The following BNIP2 variants were observed in gnomAD, a reference collection of about 807,000 sequenced individuals.
BNIP2 encodes the protein BCL2/adenovirus E1B 19 kDa protein-interacting protein 2.
In BNIP2, 36 loss-of-function variants were observed where a neutral mutation model predicts 43.4. The ratio of observed to expected loss-of-function variants is 0.83; its 90% CI spans 0.64 to 1.10. BNIP2 has a LOEUF of 1.10. Among genes scored for constraint, BNIP2 ranks in the 50% least tolerant of loss-of-function variants. The pLI is 0.00. For synonymous variants in BNIP2, 146 were observed against 121.0 expected, an observed-to-expected ratio of 1.21 and a Z score of -1.35; for missense variants, 417 against 374.1, an observed-to-expected ratio of 1.11 and a Z score of -0.95.
At chr15:59,687,420 C>T (rs1310038848) in intron 1 of BNIP2, among the ~76,000 whole-genome samples, 2 of 150,044 alleles carry the variant, frequency 1.3e-5, no homozygotes, top group Non-Finnish European at 3.0e-5. Context: ...GCTGCAATCT[C>T]GGCTCGCTAC....
intron 5 of BNIP2, among the ~76,000 whole-genome samples, chr15:59,676,393 T>C (rs952104341): frequency 2.6e-5 from 4 of 152,066 alleles, no homozygotes; most frequent in Non-Finnish European, 5.9e-5. Context: ...AGGTCTATGT[T>C]GCCCAAGCTG....
Position 59,679,690 on chromosome 15 carries a change from T to C in BNIP2, c.197A>G (p.Asp66Gly). Residue 66 changes from aspartate (D) to glycine (G), a missense_variant, in exon 4 of 10, where the codon GAT becomes GGT. Transcript: ENST00000607373. Reference protein sequence around the residue: ...PDISLTLDPSDGSVLSDDLDE... With the variant: ...PDISLTLDPSGGSVLSDDLDE... ...CAAATCATCTGACAATACAGAGCCA[T>C]CACTAGGATCCAGTGTCAGGCTAAT... 1.2e-6 allele frequency: 2 copies of C among 1,609,744 alleles called. No individual in the cohort carries two copies. The highest frequency in any genetic ancestry group is 1.1e-5 in the South Asian group (1 of 90,424).
intron 5 of BNIP2, among the ~76,000 whole-genome samples, chr15:59,673,422 G>A (rs1566964530): frequency 1.3e-5 from 2 of 152,018 alleles, no homozygotes; most frequent in Non-Finnish European, 2.9e-5. Context: ...CAAAGTGGGT[G>A]CTTTTTTAAA....
chr15:59,665,114 AT>A (rs1892490516), intron 9 of BNIP2, among the ~76,000 whole-genome samples: 1 of 151,872 alleles, frequency 6.6e-6, no homozygotes, highest in Non-Finnish European at 1.5e-5. Context: ...AAATACAAAA[AT>A]TAGCCAGGTG....
chr15:59,679,327 T>C (rs1185095177), intron 4 of BNIP2: 2 of 303,090 alleles, frequency 6.6e-6, no homozygotes, highest in Admixed American at 4.7e-5. Context: ...TCTTACTTGA[T>C]TGACTAAAAA....
chr15:59,684,097 G>C (rs1389997303), intron 1 of BNIP2, among the ~76,000 whole-genome samples: 1 of 152,184 alleles, frequency 6.6e-6, no homozygotes, highest in African/African-American at 2.4e-5. Context: ...GAAATATCCT[G>C]AAGTGTTAGA....
At chr15:59,666,045 T>C (rs1265935542) in intron 9 of BNIP2, among the ~76,000 whole-genome samples, 2 of 150,012 alleles carry the variant, frequency 1.3e-5, no homozygotes, top group Admixed American at 6.7e-5. Flanking sequence ...TACCAACTAA[T>C]TTCATAATTA....
At chr15:59,688,257 G>C (rs757563751) in intron 1 of BNIP2, among the ~76,000 whole-genome samples, 3 of 152,150 alleles carry the variant, frequency 2.0e-5, no homozygotes, top group African/African-American at 7.2e-5. Flanking sequence ...TTGTAACTTT[G>C]AGGAAACATC....
intron 1 of BNIP2, chr15:59,688,457 G>A (rs781120695): frequency 1.1e-5 from 4 of 359,578 alleles, no homozygotes; most frequent in Non-Finnish European, 2.1e-5. Flanking sequence ...TAAATAGGAG[G>A]CACCGTAACT....
chr15:59,683,179 C>T (rs1448544200), intron 1 of BNIP2, among the ~76,000 whole-genome samples: 2 of 151,894 alleles, frequency 1.3e-5, no homozygotes, highest in Non-Finnish European at 2.9e-5. Context: ...CGTATTTTAA[C>T]ATATGCCATG....
At chr15:59,672,603 T>C (rs981372829) in intron 6 of BNIP2, 34 bp downstream of exon 6, 4 of 1,451,560 alleles carry the variant, frequency 2.8e-6, no homozygotes, top group East Asian at 2.3e-5. Context: ...AGCTCACAAT[T>C]CTGTCCAAAT....
Position 59,689,151 on chromosome 15 carries a change from G to C in BNIP2, c.-74C>G. On this transcript the variant is annotated 5_prime_UTR_variant, in exon 1 of 10. Transcript: ENST00000607373. Reference sequence around the variant, plus strand: ...CGCACTCACCCCGGAGGAAGCCTTGGCCCCCTCGTCCTCTTCGCCCCTCCA... The same window carrying C: ...CGCACTCACCCCGGAGGAAGCCTTGCCCCCCTCGTCCTCTTCGCCCCTCCA... 1 of 1,537,400 alleles carries C rather than the reference G, an allele frequency of 6.5e-7. No individual in the cohort carries two copies. Among genetic ancestry groups the C allele is most frequent in the Non-Finnish European group, 8.7e-7 (1 of 1,146,368 alleles).
At chr15:59,689,014 A>G in intron 1 of BNIP2, 121 bp downstream of exon 1, 3 of 1,446,256 alleles carry the variant, frequency 2.1e-6, no homozygotes, top group Non-Finnish European at 9.0e-7. Context: ...TACCAAGGGT[A>G]ACTCTCTGGG....
At chr15:59,682,891 T>G in intron 1 of BNIP2, among the ~76,000 whole-genome samples, 1 of 152,210 alleles carries the variant, frequency 6.6e-6, no homozygotes, top group Non-Finnish European at 1.5e-5. Flanking sequence ...TTTCTGTCCC[T>G]TGGATAGAGG....
Position 59,664,104 on chromosome 15 carries a change from T to A in BNIP2, c.910A>T (p.Asn304Tyr). ...TTTTTCGGTTCATCTTGTTTTCCAT[T>A]AAGTTCTTGATCAACTCTGTTTAAT... is the stretch of plus-strand genomic sequence containing the variant. ...ECIKQVDQELNGKQDEPKNEQ is the reference protein window; with the variant it reads ...ECIKQVDQELYGKQDEPKNEQ The change falls in exon 10 of 10, where the codon AAT becomes TAT. Residue 304 changes from asparagine to tyrosine, a missense_variant. Asn to Tyr is a moderately radical substitution (Grantham distance 143). Coordinates refer to ENST00000607373, the MANE Select transcript of BNIP2 (RefSeq NM_004330.4). The A allele has an allele frequency of 6.5e-7, 1 of 1,547,928 alleles. No individual in the cohort carries two copies. Among genetic ancestry groups the A allele is most frequent in the Non-Finnish European group, 8.7e-7 (1 of 1,143,842 alleles).
chr15:59,689,312 G>C lies in BNIP2; in HGVS notation c.-235C>G, dbSNP rs3087330. 2 of 1,547,314 alleles carry C rather than the reference G, an allele frequency of 1.3e-6. No homozygotes were observed. The highest frequency in any genetic ancestry group is 2.0e-5 in the Admixed American group (1 of 50,918). On this transcript the variant is annotated 5_prime_UTR_variant, in exon 1 of 10. Coordinates refer to ENST00000607373, the MANE Select transcript of BNIP2 (RefSeq NM_004330.4). ...CGGCGTCGGCGGCAGCAGCTGACCCGGACACAGTGAGAAGCCCCGGCGGAA... is the reference window on the plus strand; with the variant it reads ...CGGCGTCGGCGGCAGCAGCTGACCCCGACACAGTGAGAAGCCCCGGCGGAA...
chr15:59,667,874 T>C (rs1021092737), intron 9 of BNIP2, among the ~76,000 whole-genome samples: 47 of 152,366 alleles, frequency 3.1e-4, no homozygotes, highest in African/African-American at 1.1e-3. Flanking sequence ...GAGAAGGGTC[T>C]GTGGTTTTTA....
At chr15:59,681,433 G>A (rs1446039320) in intron 2 of BNIP2, among the ~76,000 whole-genome samples, 2 of 148,382 alleles carry the variant, frequency 1.3e-5, no homozygotes, top group East Asian at 2.0e-4. Context: ...TTTTTTTGGT[G>A]GGGGGGAACC....
chr15:59,672,809 A>G, intron 5 of BNIP2, 70 bp from the exon 6 acceptor site: 1 of 1,052,116 alleles, frequency 9.5e-7, no homozygotes, highest in Middle Eastern at 2.1e-4. Flanking sequence ...AGACATCTGT[A>G]TGATTAGTAA....
Sources: gnomAD v4.1 joint callset for allele counts (sites outside exome capture counted in the v4.1 genomes callset) on GRCh38, gnomAD v4.1.1 for gene constraint, MANE v1.5 for transcripts, NCBI Gene and HGNC (gene_info 2026-07-23, HGNC 2026-07-21) for gene names.